ORC3: variants seen among roughly 807,000 people sequenced by gnomAD.
ORC3 encodes the protein homolog of latheo, Drosophila.
A neutral mutation model predicts 100.7 loss-of-function variants in ORC3; 78 were observed. The ratio of observed to expected loss-of-function variants is 0.77; its 90% CI spans 0.65 to 0.94. The LOEUF is 0.94. Ranked by LOEUF, ORC3 falls within the 40% of genes least tolerant of loss-of-function variation. The probability of loss-of-function intolerance (pLI) is 0.00; values close to 1 mark genes in which losing one functional copy is unlikely to be tolerated. For synonymous variants in ORC3, 295 were observed against 289.3 expected, an observed-to-expected ratio of 1.02 and a Z score of -0.20; for missense variants, 789 against 823.9, an observed-to-expected ratio of 0.96 and a Z score of 0.52.
At chr6:87,640,422 A>G (rs138918919) in intron 13 of ORC3, among the ~76,000 whole-genome samples, 3 of 152,320 alleles carry the variant, frequency 2.0e-5, no homozygotes, top group African/African-American at 7.2e-5. Context: ...AATATATGCC[A>G]TTATTTGACA....
At chr6:87,636,222 G>T (rs896801065) in intron 12 of ORC3, among the ~76,000 whole-genome samples, 185 bp from the exon 13 acceptor site, 4 of 152,096 alleles carry the variant, frequency 2.6e-5, no homozygotes, top group Non-Finnish European at 5.9e-5. Context: ...GTGAGCCACC[G>T]CGCCTGGCCG....
chr6:87,624,665 A>G (rs957349576), intron 11 of ORC3, among the ~76,000 whole-genome samples: 2 of 152,156 alleles, frequency 1.3e-5, no homozygotes, highest in Non-Finnish European at 2.9e-5. Context: ...TATATTTAAG[A>G]AAATCACTTA....
chr6:87,656,553 C>T (rs1296083289), intron 14 of ORC3, among the ~76,000 whole-genome samples: 2 of 151,904 alleles, frequency 1.3e-5, no homozygotes, highest in African/African-American at 4.8e-5. Context: ...CGCCACTGCA[C>T]TCCAGCCTGG....
At chr6:87,625,093 T>C (rs7771832) in intron 11 of ORC3, among the ~76,000 whole-genome samples, 9,779 of 152,258 alleles carry the variant, frequency 0.064, 408 homozygotes, top group African/African-American at 0.12. Context: ...TCCAGTCTAT[T>C]ATTGATGGAC....
chr6:87,598,791 T>G (rs1276960654), intron 2 of ORC3, among the ~76,000 whole-genome samples: 2 of 152,222 alleles, frequency 1.3e-5, no homozygotes, highest in Non-Finnish European at 2.9e-5. Context: ...CTTTAACATT[T>G]GCCTTCACTG....
intron 11 of ORC3, 147 bp downstream of exon 11, chr6:87,622,160 A>G (rs1779583925): frequency 1.9e-6 from 1 of 531,814 alleles, no homozygotes; most frequent in African/African-American, 2.0e-5. Context: ...TCACCTAGGA[A>G]TGTGAGTTTT....
chr6:87,672,020 A>G (rs568796267), downstream of ORC3, among the ~76,000 whole-genome samples: 1 of 152,218 alleles, frequency 6.6e-6, no homozygotes, highest in Admixed American at 6.5e-5. Flanking sequence ...GAAAAACTCA[A>G]CAAGACAACA....
In ORC3 at chr6:87,659,884, GA is replaced by G. The variant is rs978425894; in HGVS notation, c.1691+1879del. 1.4e-3 allele frequency among the ~76,000 whole-genome samples: 197 copies of G among 136,580 alleles called. 1 individual carries two copies. Among genetic ancestry groups the G allele is most frequent in the Middle Eastern group, 7.5e-3 (2 of 268 alleles). 89.6% of individuals were successfully genotyped at this position (136,580 alleles called of 152,430 possible). ...GCAACAGAGCAAGACTCCATCTCGA[GA>G]AAAAAAAAAAAAGTGATGAACTGCA... On this transcript the variant is annotated intron_variant, in intron 16 of 19. Transcript: ENST00000392844.
chr6:87,652,972 C>A (rs1583152599), intron 13 of ORC3, 144 bp from the exon 14 acceptor site: 7 of 586,254 alleles, frequency 1.2e-5, no homozygotes, highest in Non-Finnish European at 2.0e-5. Flanking sequence ...GGAGGAAAAT[C>A]TCTCCAAAAA....
chr6:87,610,150 T>C (rs1253333870), intron 7 of ORC3, among the ~76,000 whole-genome samples: 3 of 152,198 alleles, frequency 2.0e-5, no homozygotes, highest in African/African-American at 7.2e-5. Context: ...GTTTTAATAG[T>C]TATAGCTACA....
the ORC3 span, chr6:87,675,277 A>T: frequency 2.7e-6 from 1 of 365,542 alleles, no homozygotes; most frequent in East Asian, 4.5e-5. Context: ...AGTTTTATTT[A>T]CACAACCAGT....
At chr6:87,599,586 T>TC (rs1777736901) in intron 2 of ORC3, among the ~76,000 whole-genome samples, 1 of 149,620 alleles carries the variant, frequency 6.7e-6, no homozygotes, top group South Asian at 2.1e-4. Flanking sequence ...CAGGGTGGTC[T>TC]CCAAGTCCTG....
chr6:87,611,295 A>G (rs1373801791), intron 7 of ORC3, among the ~76,000 whole-genome samples: 1 of 152,072 alleles, frequency 6.6e-6, no homozygotes, highest in East Asian at 1.9e-4. Context: ...ACTTTTCTTA[A>G]TGCTGACACT....
At chr6:87,672,750 G>GT in the ORC3 span, among the ~76,000 whole-genome samples, 2 of 152,156 alleles carry the variant, frequency 1.3e-5, no homozygotes, top group South Asian at 4.1e-4. Flanking sequence ...CTTTAGGGTC[G>GT]TGTCAAGTGC....
intron 11 of ORC3, among the ~76,000 whole-genome samples, chr6:87,630,809 C>T (rs1767346956): frequency 6.6e-6 from 1 of 151,954 alleles, no homozygotes; most frequent in African/African-American, 2.4e-5. Context: ...GTAGAAAGGA[C>T]CTGAGGTTGG....
intron 2 of ORC3, among the ~76,000 whole-genome samples, chr6:87,599,479 T>A (rs1246628084): frequency 6.6e-6 from 1 of 151,960 alleles, no homozygotes; most frequent in Non-Finnish European, 1.5e-5. Flanking sequence ...GTGATTCTCC[T>A]GCCTCAGCCT....
intron 13 of ORC3, among the ~76,000 whole-genome samples, chr6:87,646,276 G>A (rs940288817): frequency 1.3e-5 from 2 of 152,066 alleles, no homozygotes; most frequent in Non-Finnish European, 2.9e-5. Flanking sequence ...GTGAGCTACC[G>A]TGCTCTGCCA....
At chr6:87,627,559 G>A (rs1190536044) in intron 11 of ORC3, among the ~76,000 whole-genome samples, 1 of 151,956 alleles carries the variant, frequency 6.6e-6, no homozygotes, top group Admixed American at 6.6e-5. Flanking sequence ...GCCTCCCAAA[G>A]TGCTGGGATT....
intron 2 of ORC3, among the ~76,000 whole-genome samples, chr6:87,596,652 TACC>T (rs1777469156): frequency 6.6e-6 from 1 of 152,168 alleles, no homozygotes; most frequent in African/African-American, 2.4e-5. Context: ...TTGTAAATTA[TACC>T]TCAATAAAAT....
Sources: allele counts gnomAD v4.1 joint callset (sites outside exome capture counted in the v4.1 genomes callset), GRCh38; gene constraint gnomAD v4.1.1; transcripts MANE v1.5; gene names NCBI Gene and HGNC (gene_info 2026-07-23, HGNC 2026-07-21).